ZNF782: variants seen among roughly 807,000 people sequenced by gnomAD.
ZNF782 encodes the protein zinc finger protein 782.
A neutral mutation model predicts 13.0 loss-of-function variants in ZNF782; 12 were observed. That is an observed-to-expected ratio of 0.92 (90% CI 0.59 to 1.50). ZNF782 has a LOEUF of 1.50. ZNF782 is among the 40% of genes most tolerant of loss of function. The probability of loss-of-function intolerance (pLI) is 0.00; values close to 1 mark genes in which losing one functional copy is unlikely to be tolerated. For synonymous variants in ZNF782, 284 were observed against 283.0 expected (o/e 1.00, Z -0.04); for missense variants, 770 against 822.9 (o/e 0.94, Z 0.79).
chr9:96,932,959 CTTTCTTTTCT>C, the ZNF782 span, among the ~76,000 whole-genome samples: 37 of 148,988 alleles, frequency 2.5e-4, no homozygotes, highest in African/African-American at 8.2e-4. Flanking sequence ...CCAATACTTA[CTTTCTTTTCT>C]TTTCTTTTCT....
the ZNF782 span, among the ~76,000 whole-genome samples, chr9:96,914,345 C>G: frequency 1.3e-5 from 2 of 150,966 alleles, no homozygotes; most frequent in Admixed American, 1.3e-4. Context: ...TGGTGTCCAA[C>G]TCCTGACCTC....
the ZNF782 span, chr9:96,897,774 G>C: frequency 6.6e-6 from 1 of 151,454 alleles, no homozygotes. Flanking sequence ...GTCACCTCCT[G>C]CCACCTCTTC....
the ZNF782 span, among the ~76,000 whole-genome samples, chr9:96,886,775 T>C: frequency 1.3e-5 from 2 of 151,674 alleles, no homozygotes; most frequent in Non-Finnish European, 1.5e-5. Flanking sequence ...ATACAAAAAT[T>C]AGCTGGGCGT....
At chr9:96,838,455 C>T (rs746743666) in intron 4 of ZNF782, among the ~76,000 whole-genome samples, 7 of 152,098 alleles carry the variant, frequency 4.6e-5, no homozygotes, top group East Asian at 3.9e-4. Flanking sequence ...ACTGACAGAG[C>T]GGTGTTTAAA....
At chr9:96,902,631 T>G in the ZNF782 span, among the ~76,000 whole-genome samples, 12 of 136,208 alleles carry the variant, frequency 8.8e-5, no homozygotes, top group Admixed American at 8.7e-4. Context: ...AACTTTTTTC[T>G]TTTGGAAATT....
At chr9:96,887,298 G>A in the ZNF782 span, 265 of 111,176 alleles carry the variant, frequency 2.4e-3, 3 homozygotes, top group African/African-American at 9.3e-3. Flanking sequence ...AGGAAGGAAG[G>A]AAGGAAGGAA....
At position 96,816,282 on chromosome 9, in the gene ZNF782, G is replaced by C. The variant is rs1850163839; in HGVS notation, c.*1641C>G. The stretch of plus-strand genomic sequence containing the variant: ...TGGTATCAGATATTTTCTGTAAAAG[G>C]TTTGTTATTAATATTCATGTGGCAA... On this transcript the variant is annotated 3_prime_UTR_variant, in exon 6 of 6. Transcript: ENST00000481138. 6.6e-6 allele frequency among the ~76,000 whole-genome samples: 1 copy of C among 152,142 alleles called. No individual in the cohort carries two copies. Among genetic ancestry groups the C allele is most frequent in the Admixed American group, 6.5e-5 (1 of 15,272 alleles).
intron 1 of ZNF782, among the ~76,000 whole-genome samples, chr9:96,862,347 G>A (rs935409068): frequency 9.2e-5 from 14 of 152,126 alleles, no homozygotes; most frequent in African/African-American, 2.2e-4. Context: ...TTATTTAATC[G>A]TACATTTTAT....
chr9:96,910,791 G>T, the ZNF782 span, among the ~76,000 whole-genome samples: 4 of 148,252 alleles, frequency 2.7e-5, no homozygotes, highest in Non-Finnish European at 6.0e-5. Flanking sequence ...CGCCCGCCAC[G>T]ACACCCGGCT....
At chr9:96,825,248 G>A (rs1261553209) in intron 5 of ZNF782, among the ~76,000 whole-genome samples, 20 of 149,188 alleles carry the variant, frequency 1.3e-4, no homozygotes, top group East Asian at 2.0e-4. Flanking sequence ...CAGAAATAAC[G>A]CCGCATATCT....
chr9:96,925,126 C>A, the ZNF782 span, among the ~76,000 whole-genome samples: 1 of 152,226 alleles, frequency 6.6e-6, no homozygotes, highest in Non-Finnish European at 1.5e-5. Flanking sequence ...CTGCCCCGAA[C>A]CACCGGCAAC....
chr9:96,882,723 ATG>A, the ZNF782 span, among the ~76,000 whole-genome samples: 1 of 152,222 alleles, frequency 6.6e-6, no homozygotes, highest in African/African-American at 2.4e-5. Context: ...TTTTAACTGC[ATG>A]CTTACATATT....
At chr9:96,847,407 T>C (rs1851371816) in intron 3 of ZNF782, among the ~76,000 whole-genome samples, 1 of 152,008 alleles carries the variant, frequency 6.6e-6, no homozygotes, top group Admixed American at 6.6e-5. Flanking sequence ...AAGCTAAAAC[T>C]GATAGACCTT....
chr9:96,913,684 A>C, the ZNF782 span, among the ~76,000 whole-genome samples: 1 of 151,772 alleles, frequency 6.6e-6, no homozygotes, highest in Non-Finnish European at 1.5e-5. Flanking sequence ...CACCACACCT[A>C]GCTAATTTTT....
chr9:96,818,963 T>C lies in ZNF782; in HGVS notation c.1060A>G (p.Ser354Gly), dbSNP rs138537807. ...CTTATGTGAACCTTCTGATGTACAC[T>C]GAAAGTTGACTGGTAGCTGAATGTC... ...TETFSYQSTF[S>G]VHQKVHIRAK... Residue 354 changes from serine to glycine, a missense_variant, in exon 6 of 6, where the codon AGT becomes GGT. Coordinates refer to ENST00000481138, the MANE Select transcript of ZNF782 (RefSeq NM_001001662.3). 3.7e-6 allele frequency: 6 copies of C among 1,614,076 alleles called. No homozygotes were observed. The highest frequency in any genetic ancestry group is 5.1e-6 in the Non-Finnish European group (6 of 1,180,018).
At chr9:96,900,653 A>G in the ZNF782 span, among the ~76,000 whole-genome samples, 23 of 152,158 alleles carry the variant, frequency 1.5e-4, no homozygotes, top group African/African-American at 5.5e-4. Context: ...AGACAGGAGA[A>G]TCACTTGAAC....
At chr9:96,911,516 G>GTTTTTT in the ZNF782 span, among the ~76,000 whole-genome samples, 2 of 111,940 alleles carry the variant, frequency 1.8e-5, no homozygotes, top group African/African-American at 6.9e-5. Flanking sequence ...TTTTGTTTTT[G>GTTTTTT]TTTTGTTTTG....
At chr9:96,886,612 C>A in the ZNF782 span, among the ~76,000 whole-genome samples, 88 of 152,228 alleles carry the variant, frequency 5.8e-4, no homozygotes, top group Non-Finnish European at 1.0e-3. Context: ...AGAAAACTAT[C>A]CAAAGCTGTA....
chr9:96,844,472 G>T (rs1363814707), intron 4 of ZNF782, among the ~76,000 whole-genome samples: 2 of 152,120 alleles, frequency 1.3e-5, no homozygotes, highest in Non-Finnish European at 2.9e-5. Context: ...CTAAAGAAAA[G>T]CCAGACAAAA....
Sources: allele counts gnomAD v4.1 joint callset (sites outside exome capture counted in the v4.1 genomes callset), GRCh38; gene constraint gnomAD v4.1.1; transcripts MANE v1.5; gene names NCBI Gene and HGNC (gene_info 2026-07-23, HGNC 2026-07-21).